The following ANKRD36C variants were observed in gnomAD, a reference collection of about 807,000 sequenced individuals.
The protein encoded by ANKRD36C is ankyrin repeat domain-containing protein 36C.
In ANKRD36C, 61 loss-of-function variants were observed where a neutral mutation model predicts 276.4. The observed-to-expected ratio is 0.22, with a 90% confidence interval of 0.18 to 0.27. The LOEUF (loss-of-function observed/expected upper bound fraction) is 0.27. Among genes scored for constraint, ANKRD36C ranks in the 10% least tolerant of loss-of-function variants. ANKRD36C has a pLI of 1.00. For missense variants in ANKRD36C, 1,447 were observed against 2,032.3 expected (o/e 0.71, Z 5.54); for synonymous variants, 483 against 680.1 (o/e 0.71, Z 4.51).
chr2:95,925,422 A>C (rs906757815), exon 30 of ANKRD36C: 6 of 1,554,356 alleles, frequency 3.9e-6, no homozygotes, highest in African/African-American at 1.4e-5. Context: ...TTTTAAATAT[A>C]ACCTGAATGG....
Position 95,859,857 on chromosome 2 carries a change from A to G in ANKRD36C, c.3896+4T>C, listed in dbSNP as rs1358895562. On this transcript the variant is annotated splice_donor_region_variant and intron_variant, in intron 61 of 66. Transcript: ENST00000456556. ...TCAAACATTTATTTAAAACTAGGTC[A>G]TACCTCAAACTACAGAGTTCTTTTT... is the stretch of plus-strand genomic sequence containing the variant. The G allele has an allele frequency of 3.2e-6, 5 of 1,548,858 alleles. No individual in the cohort carries two copies. Among genetic ancestry groups the G allele is most frequent in the Non-Finnish European group, 4.4e-6 (5 of 1,146,176 alleles).
At chr2:95,866,801 T>C (rs1573726930) in intron 60 of ANKRD36C, among the ~76,000 whole-genome samples, 1 of 152,134 alleles carries the variant, frequency 6.6e-6, no homozygotes, top group Non-Finnish European at 1.5e-5. Flanking sequence ...ATGATGGTAA[T>C]AGTTTCACAT....
chr2:95,962,796 T>C (rs1409624591), intron 6 of ANKRD36C, among the ~76,000 whole-genome samples: 6 of 152,082 alleles, frequency 3.9e-5, no homozygotes, highest in Non-Finnish European at 5.9e-5. Flanking sequence ...AAAACTAAAA[T>C]GAAACAGTGT....
rs1558658709 is a variant in ANKRD36C at position 95,963,989 on chromosome 2, ATATATATATATATATATATATATATG to A, written c.800-1468_800-1443del. Among the ~76,000 whole-genome samples, 149 of 16,448 alleles carry A rather than the reference ATATATATATATATATATATATATATG, an allele frequency of 9.1e-3. 5 individuals are homozygous for A. The highest frequency in any genetic ancestry group is 0.02 in the Admixed American group (24 of 1,180). 10.8% of individuals were successfully genotyped at this position (16,448 alleles called of 152,430 possible). A position where few individuals can be genotyped will look rare whatever the true frequency, so the allele number is the denominator to read the frequency against. On this transcript the variant is annotated intron_variant, in intron 6 of 66. Transcript: ENST00000456556. ...TATATATAAATATATATATATATAT[ATATATATATATATATATATATATATG>A]TGTGTGTGTGTCATGATTGCCAAGA...
At chr2:95,909,926 T>C (rs1271310636) in intron 42 of ANKRD36C, among the ~76,000 whole-genome samples, 1 of 150,840 alleles carries the variant, frequency 6.6e-6, no homozygotes, top group African/African-American at 2.4e-5. Context: ...TCCGTCATCC[T>C]TGGGAAAATG....
At chr2:95,902,573 T>C (rs1380432790) in intron 42 of ANKRD36C, among the ~76,000 whole-genome samples, 1 of 150,308 alleles carries the variant, frequency 6.7e-6, no homozygotes, top group Non-Finnish European at 1.5e-5. Context: ...CTCTTTCTCC[T>C]TCCACCCTTA....
intron 20 of ANKRD36C, among the ~76,000 whole-genome samples, chr2:95,940,708 AAG>A: frequency 2.6e-5 from 2 of 77,196 alleles, no homozygotes; most frequent in Non-Finnish European, 6.1e-5. Flanking sequence ...AGTCTACATA[AAG>A]TGAGTTCCCT....
intron 1 of ANKRD36C, among the ~76,000 whole-genome samples, chr2:95,989,330 A>T (rs919552579): frequency 6.6e-6 from 1 of 152,224 alleles, no homozygotes; most frequent in African/African-American, 2.4e-5. Flanking sequence ...TACATCACGG[A>T]TAAGAAAAAA....
At chr2:95,971,612 A>G (rs1392501676) in intron 6 of ANKRD36C, among the ~76,000 whole-genome samples, 2 of 152,144 alleles carry the variant, frequency 1.3e-5, no homozygotes, top group South Asian at 2.1e-4. Context: ...TATTCTCTCC[A>G]GAATTATAGT....
At chr2:95,959,581 A>G (rs1226580347) in intron 10 of ANKRD36C, among the ~76,000 whole-genome samples, 1 of 152,138 alleles carries the variant, frequency 6.6e-6, no homozygotes, top group African/African-American at 2.4e-5. Flanking sequence ...TCTCATATTC[A>G]TTGAAAATAA....
intron 63 of ANKRD36C, among the ~76,000 whole-genome samples, 154 bp downstream of exon 83, chr2:95,855,112 A>G (rs1675378322): frequency 6.6e-6 from 1 of 152,152 alleles, no homozygotes; most frequent in Admixed American, 6.6e-5. Flanking sequence ...TCTAACTTTG[A>G]CTTGCTGGAG....
chr2:95,872,224 G>A (rs1410652495), intron 59 of ANKRD36C, among the ~76,000 whole-genome samples: 1 of 142,420 alleles, frequency 7.0e-6, no homozygotes, highest in African/African-American at 2.6e-5. Flanking sequence ...ATTTTTTTCA[G>A]CACCACACCA....
chr2:95,976,367 G>C (rs1056282450), intron 6 of ANKRD36C, among the ~76,000 whole-genome samples: 1 of 152,096 alleles, frequency 6.6e-6, no homozygotes, highest in Non-Finnish European at 1.5e-5. Context: ...TGAAACTCTC[G>C]AAATGCGGCT....
At chr2:95,918,763 T>G (rs1677185917) in intron 34 of ANKRD36C, among the ~76,000 whole-genome samples, 1 of 151,410 alleles carries the variant, frequency 6.6e-6, no homozygotes, top group South Asian at 2.1e-4. Context: ...TTGACATACT[T>G]CTACAAAGTA....
At chr2:95,865,707 G>A (rs556050798) in intron 60 of ANKRD36C, among the ~76,000 whole-genome samples, 15 of 152,132 alleles carry the variant, frequency 9.9e-5, no homozygotes, top group Admixed American at 2.6e-4. Flanking sequence ...ACATGAGGTC[G>A]GATGTAGAAT....
chr2:95,977,373 G>A (rs1477749288), intron 6 of ANKRD36C, among the ~76,000 whole-genome samples: 2 of 152,068 alleles, frequency 1.3e-5, no homozygotes, highest in Non-Finnish European at 2.9e-5. Flanking sequence ...TTCACTGATG[G>A]TTTTCACAGG....
chr2:95,958,447 C>G (rs1678381541), intron 12 of ANKRD36C, 144 bp downstream of exon 12: 5 of 1,147,546 alleles, frequency 4.4e-6, no homozygotes, highest in Non-Finnish European at 3.7e-6. Flanking sequence ...CACCATCACT[C>G]AAGAACTTAT....
exon 63 of ANKRD36C, chr2:95,855,368 C>T (rs1323011887): frequency 6.2e-7 from 1 of 1,613,282 alleles, no homozygotes; most frequent in Admixed American, 1.7e-5. Flanking sequence ...AGAGACGGTG[C>T]TTTCTGCACT....
intron 12 of ANKRD36C, 137 bp downstream of exon 12, chr2:95,958,454 T>G: frequency 8.4e-7 from 1 of 1,188,110 alleles, no homozygotes. Flanking sequence ...ACTCAAGAAC[T>G]TATTACAAAT....
Sources: gnomAD v4.1 joint callset for allele counts (sites outside exome capture counted in the v4.1 genomes callset) on GRCh38, gnomAD v4.1.1 for gene constraint, MANE v1.5 for transcripts, NCBI Gene and HGNC (gene_info 2026-07-23, HGNC 2026-07-21) for gene names.